The following RHOU variants were observed in gnomAD, a reference collection of about 807,000 sequenced individuals.
RHOU encodes ras homolog family member U.
A neutral mutation model predicts 12.6 loss-of-function variants in RHOU; 8 were observed. The ratio of observed to expected loss-of-function variants is 0.64; its 90% CI spans 0.37 to 1.15. The LOEUF is 1.15. Ranked by LOEUF, RHOU falls within the 50% of genes most tolerant of loss-of-function variation. RHOU has a pLI of 0.01. For synonymous variants in RHOU, 161 were observed against 147.4 expected (o/e 1.09, Z -0.67); for missense variants, 258 against 347.0 (o/e 0.74, Z 2.04).
At chr1:228,669,950 C>T in the RHOU span, among the ~76,000 whole-genome samples, 22 of 152,282 alleles carry the variant, frequency 1.4e-4, no homozygotes, top group Admixed American at 5.2e-4. Context: ...GTTCAGATAA[C>T]TAGTTGCTTT....
At chr1:228,718,851 C>T in the RHOU span, among the ~76,000 whole-genome samples, 1 of 152,182 alleles carries the variant, frequency 6.6e-6, no homozygotes, top group African/African-American at 2.4e-5. Context: ...ACCCTGGATG[C>T]TCACTGCAGG....
In RHOU at chr1:228,735,668, G is replaced by A. The variant is rs976949912; in HGVS notation, c.-75G>A. On this transcript the variant is annotated 5_prime_UTR_variant, in exon 1 of 3. Coordinates refer to ENST00000366691, the MANE Select transcript of RHOU (RefSeq NM_021205.6). The surrounding 1 kb of genome is among the most constrained non-coding windows in gnomAD (Gnocchi z 8.1). ...CTGTCGGTGACAGCTCCTCCCTACC[G>A]CAACCCTCCGGGGCGGAGGGGCGGT... 4 of 1,131,066 alleles carry A rather than the reference G, an allele frequency of 3.5e-6. No individual in the cohort carries two copies. In the African/African-American group the frequency reaches 4.9e-5, roughly 14 times the overall value. 70.1% of individuals were successfully genotyped at this position (1,131,066 alleles called of 1,614,324 possible).
At chr1:228,657,235 C>A in the RHOU span, among the ~76,000 whole-genome samples, 2 of 128,666 alleles carry the variant, frequency 1.6e-5, no homozygotes, top group South Asian at 5.0e-4. Context: ...CGAGATCACA[C>A]CATTGCACTC....
chr1:228,730,331 T>G, the RHOU span, among the ~76,000 whole-genome samples: 4 of 152,150 alleles, frequency 2.6e-5, no homozygotes. Flanking sequence ...AAGGGAAGCT[T>G]GAGGCATGAG....
chr1:228,707,115 TATATATATATAC>T, the RHOU span, among the ~76,000 whole-genome samples: 1,020 of 92,050 alleles, frequency 0.011, 44 homozygotes, highest in African/African-American at 0.081. Flanking sequence ...CATATATATA[TATATATATATAC>T]ATATATATAT....
At chr1:228,741,077 TG>T (rs1345468237) in intron 2 of RHOU, among the ~76,000 whole-genome samples, 1 of 151,718 alleles carries the variant, frequency 6.6e-6, no homozygotes, top group Admixed American at 6.6e-5. Context: ...ATAAAGTACT[TG>T]GAAAAATCTT....
chr1:228,717,005 G>C, the RHOU span, among the ~76,000 whole-genome samples: 1 of 152,136 alleles, frequency 6.6e-6, no homozygotes, highest in Admixed American at 6.5e-5. Flanking sequence ...TTTGGAACCA[G>C]GTGGCACTCT....
At chr1:228,740,641 A>G (rs188760504) in intron 2 of RHOU, among the ~76,000 whole-genome samples, 1 of 152,304 alleles carries the variant, frequency 6.6e-6, no homozygotes, top group Admixed American at 6.5e-5. Flanking sequence ...CTTATGGAGG[A>G]AGGAACACAT....
At chr1:228,662,757 C>G in the RHOU span, among the ~76,000 whole-genome samples, 1 of 152,180 alleles carries the variant, frequency 6.6e-6, no homozygotes, top group African/African-American at 2.4e-5. Context: ...ATGCAGCAAA[C>G]CAACATGGCA....
chr1:228,713,758 G>A, the RHOU span, among the ~76,000 whole-genome samples: 16 of 152,300 alleles, frequency 1.1e-4, no homozygotes, highest in Middle Eastern at 3.4e-3. Flanking sequence ...AGAAGCATGG[G>A]CAAAACAACC....
chr1:228,707,124 A>ATATATATATG, the RHOU span, among the ~76,000 whole-genome samples: 1 of 78,590 alleles, frequency 1.3e-5, no homozygotes, highest in African/African-American at 1.6e-4. Flanking sequence ...ATATATATAT[A>ATATATATATG]TACATATATA....
At chr1:228,689,651 G>T in the RHOU span, among the ~76,000 whole-genome samples, 3 of 151,950 alleles carry the variant, frequency 2.0e-5, no homozygotes, top group Non-Finnish European at 4.4e-5. Flanking sequence ...CCTGAGCTCC[G>T]CCTCCTGTCA....
the RHOU span, among the ~76,000 whole-genome samples, chr1:228,681,768 C>G: frequency 1.3e-5 from 2 of 152,022 alleles, no homozygotes; most frequent in African/African-American, 4.8e-5. Flanking sequence ...CTTGAGAACA[C>G]AGGCTAAGGG....
chr1:228,708,646 C>T, the RHOU span, among the ~76,000 whole-genome samples: 2 of 151,930 alleles, frequency 1.3e-5, no homozygotes, highest in Admixed American at 6.6e-5. Flanking sequence ...CCTAAAAGAG[C>T]TCCTGAAGGA....
the RHOU span, among the ~76,000 whole-genome samples, chr1:228,658,936 C>A: frequency 6.6e-6 from 1 of 152,190 alleles, no homozygotes; most frequent in Admixed American, 6.5e-5. Context: ...TATAAATGCA[C>A]CCTTGCAGTT....
the RHOU span, among the ~76,000 whole-genome samples, chr1:228,694,605 G>A: frequency 6.6e-6 from 1 of 152,146 alleles, no homozygotes; most frequent in Non-Finnish European, 1.5e-5. Context: ...ACTTTGCTGA[G>A]TATAATGGCT....
the RHOU span, among the ~76,000 whole-genome samples, chr1:228,716,071 C>T: frequency 6.6e-6 from 1 of 152,060 alleles, no homozygotes. Flanking sequence ...CACCACCACA[C>T]TCAGCTCATT....
chr1:228,733,334 G>T (rs571978582), upstream of RHOU, among the ~76,000 whole-genome samples: 23 of 152,314 alleles, frequency 1.5e-4, no homozygotes, highest in African/African-American at 4.3e-4. Flanking sequence ...TTTTGAGACA[G>T]TGTCTCACTC....
chr1:228,653,059 C>T, the RHOU span, among the ~76,000 whole-genome samples: 3 of 152,312 alleles, frequency 2.0e-5, no homozygotes, highest in Admixed American at 6.5e-5. Context: ...GGTTACATTG[C>T]CATGACTTTG....
Sources: allele counts gnomAD v4.1 joint callset (sites outside exome capture counted in the v4.1 genomes callset), GRCh38; gene constraint gnomAD v4.1.1; non-coding constraint Gnocchi (gnomAD v3.1); transcripts MANE v1.5; gene names NCBI Gene and HGNC (gene_info 2026-07-23, HGNC 2026-07-21).